TMEM65: variants seen among roughly 807,000 people sequenced by gnomAD.
TMEM65 encodes transmembrane protein 65.
Under a neutral mutation model 25.4 loss-of-function variants are expected in TMEM65, and 22 were observed. The observed-to-expected ratio is 0.86, with a 90% CI of 0.62 to 1.23. The LOEUF is 1.23. TMEM65 is among the 50% of genes most tolerant of loss of function. The pLI is 0.00. For synonymous variants in TMEM65, 132 were observed against 126.2 expected (o/e 1.05, Z -0.31); for missense variants, 262 against 308.2 (o/e 0.85, Z 1.12).
chr8:124,371,272 C>T (rs181744864), intron 1 of TMEM65, among the ~76,000 whole-genome samples: 1 of 152,142 alleles, frequency 6.6e-6, no homozygotes, highest in Admixed American at 6.5e-5. Context: ...AAAATGTTTC[C>T]TTTGGCTGCT....
At chr8:124,346,125 G>A (rs1814638031) in intron 1 of TMEM65, among the ~76,000 whole-genome samples, 1 of 152,218 alleles carries the variant, frequency 6.6e-6, no homozygotes, top group Admixed American at 6.5e-5. Context: ...AGAGGGTGAA[G>A]GGAAAGCAAG....
At chr8:124,332,266 C>T (rs186938965) in intron 1 of TMEM65, among the ~76,000 whole-genome samples, 1 of 152,252 alleles carries the variant, frequency 6.6e-6, no homozygotes, top group East Asian at 1.9e-4. Flanking sequence ...TATTTACATA[C>T]CAGAACTATT....
intron 1 of TMEM65, among the ~76,000 whole-genome samples, chr8:124,355,220 T>C (rs761715227): frequency 1.2e-4 from 19 of 152,182 alleles, no homozygotes; most frequent in Middle Eastern, 3.4e-3. Context: ...TTTTTTCAAA[T>C]TGTCATTAAG....
intron 1 of TMEM65, among the ~76,000 whole-genome samples, chr8:124,332,609 TGTTAAGA>T (rs1360180320): frequency 6.6e-6 from 1 of 151,810 alleles, no homozygotes; most frequent in Non-Finnish European, 1.5e-5. Flanking sequence ...CAATAACAAA[TGTTAAGA>T]GAAAGAAATA....
chr8:124,337,795 G>T (rs967094054), intron 1 of TMEM65, among the ~76,000 whole-genome samples: 23 of 152,050 alleles, frequency 1.5e-4, no homozygotes, highest in African/African-American at 5.5e-4. Context: ...AGTCAAAACT[G>T]ATTGTTATAA....
chr8:124,372,677 C>CGCA lies in TMEM65; in HGVS notation c.-521_-520insTGC. On this transcript the variant is annotated 5_prime_UTR_variant, in exon 1 of 7. Transcript: ENST00000297632. ...CCCGAGCCGCAGCCGCCGCCGCCGC[C>CGCA]GCTACCCCTAGCGGCAGCAGAAGTG... The CGCA allele has an allele frequency of 6.1e-6, 1 of 164,376 alleles. No individual in the cohort carries two copies. Among genetic ancestry groups the CGCA allele is most frequent in the Non-Finnish European group, 1.3e-5 (1 of 76,282 alleles). 10.2% of individuals were successfully genotyped at this position (164,376 alleles called of 1,614,324 possible).
At chr8:124,327,785 ATC>A (rs35667654) in intron 2 of TMEM65, among the ~76,000 whole-genome samples, 56,805 of 151,766 alleles carry the variant, frequency 0.37, 10,868 homozygotes, top group Non-Finnish European at 0.42. Flanking sequence ...ACTGACATTA[ATC>A]TCTTTTTCTA....
chr8:124,327,610 C>T (rs1814380917), intron 2 of TMEM65, among the ~76,000 whole-genome samples, 189 bp from the exon 3 acceptor site: 1 of 150,898 alleles, frequency 6.6e-6, no homozygotes, highest in African/African-American at 2.4e-5. Flanking sequence ...ACAAAACAAA[C>T]CAGAAAAAGT....
At chr8:124,362,300 A>C (rs1335976051) in intron 1 of TMEM65, among the ~76,000 whole-genome samples, 1 of 152,172 alleles carries the variant, frequency 6.6e-6, no homozygotes, top group Non-Finnish European at 1.5e-5. Flanking sequence ...GTTGTTTCAA[A>C]ATGAAGGAAT....
chr8:124,331,383 A>C (rs1814429636), intron 1 of TMEM65, among the ~76,000 whole-genome samples: 1 of 148,018 alleles, frequency 6.8e-6, no homozygotes, highest in Non-Finnish European at 1.5e-5. Context: ...ATATTGATAT[A>C]TATTAATTAA....
intron 1 of TMEM65, among the ~76,000 whole-genome samples, chr8:124,361,171 CA>C (rs1814853778): frequency 1.3e-5 from 2 of 152,320 alleles, no homozygotes; most frequent in African/African-American, 4.8e-5. Context: ...CAGTGGCTCA[CA>C]CCTGTAGTCC....
Position 124,313,776 on chromosome 8 carries a change from C to T in TMEM65, c.*184G>A, listed in dbSNP as rs1176960382. The T allele has an allele frequency of 1.9e-6, 1 of 535,052 alleles. No homozygotes were observed. The highest frequency in any genetic ancestry group is 1.9e-5 in the African/African-American group (1 of 51,914). 33.1% of individuals were successfully genotyped at this position (535,052 alleles called of 1,614,324 possible). Reference sequence around the variant, plus strand: ...ACAATATACACAAAATGATACTAAACAGCTTTTTAAAAAAGATGTCCTAAG... The same window carrying T: ...ACAATATACACAAAATGATACTAAATAGCTTTTTAAAAAAGATGTCCTAAG... On this transcript the variant is annotated 3_prime_UTR_variant, in exon 7 of 7. Transcript: ENST00000297632.
At chr8:124,339,245 AT>A in intron 1 of TMEM65, among the ~76,000 whole-genome samples, 1 of 127,172 alleles carries the variant, frequency 7.9e-6, no homozygotes, top group Non-Finnish European at 1.6e-5. Flanking sequence ...ATATATATAT[AT>A]ATAAAATATT....
intron 1 of TMEM65, among the ~76,000 whole-genome samples, chr8:124,369,758 G>A (rs1814988365): frequency 2.6e-5 from 4 of 152,138 alleles, no homozygotes; most frequent in Admixed American, 2.6e-4. Flanking sequence ...CCTAAGTGAT[G>A]ATTCTAGTTA....
intron 1 of TMEM65, among the ~76,000 whole-genome samples, chr8:124,347,463 A>G (rs1336060206): frequency 1.3e-5 from 2 of 152,216 alleles, no homozygotes; most frequent in African/African-American, 4.8e-5. Flanking sequence ...GGCAAGGGAC[A>G]AAAAACTACC....
intron 1 of TMEM65, among the ~76,000 whole-genome samples, chr8:124,369,131 T>A (rs1210224512): frequency 4.6e-5 from 7 of 152,242 alleles, no homozygotes; most frequent in Admixed American, 3.9e-4. Flanking sequence ...GAATATGGTC[T>A]GTTTCTGGAA....
chr8:124,344,310 G>C (rs1426354167), intron 1 of TMEM65, among the ~76,000 whole-genome samples: 1 of 152,186 alleles, frequency 6.6e-6, no homozygotes, highest in African/African-American at 2.4e-5. Context: ...TTGCCAGCAG[G>C]TGTAAATCAC....
At chr8:124,353,860 T>C (rs572083947) in intron 1 of TMEM65, among the ~76,000 whole-genome samples, 1 of 152,184 alleles carries the variant, frequency 6.6e-6, no homozygotes, top group African/African-American at 2.4e-5. Context: ...GAATGGGATA[T>C]TTCATAGACT....
chr8:124,337,190 ATT>A (rs1327836534), intron 1 of TMEM65, among the ~76,000 whole-genome samples: 17 of 151,856 alleles, frequency 1.1e-4, no homozygotes, highest in Admixed American at 9.9e-4. Flanking sequence ...TCATTGATGA[ATT>A]TTGTTAAAAC....
Sources: allele counts gnomAD v4.1 joint callset (sites outside exome capture counted in the v4.1 genomes callset), GRCh38; gene constraint gnomAD v4.1.1; transcripts MANE v1.5; gene names NCBI Gene and HGNC (gene_info 2026-07-23, HGNC 2026-07-21).